Variants in CARD14 observed in about 807,000 individuals in gnomAD.
CARD14 encodes caspase recruitment domain-containing protein 14.
CARD14 carries 107 observed loss-of-function variants against 111.5 expected under a neutral mutation model. That is an observed-to-expected ratio of 0.96 (90% confidence interval 0.82 to 1.13). The LOEUF (loss-of-function observed/expected upper bound fraction) is 1.13. Among genes scored for constraint, CARD14 ranks in the 50% most tolerant of loss-of-function variants. The pLI, the probability that CARD14 is intolerant of heterozygous loss-of-function variation, is 0.00. For missense variants in CARD14, 1,322 were observed against 1,362.3 expected, an observed-to-expected ratio of 0.97 and a Z score of 0.47; for synonymous variants, 617 against 579.6, an observed-to-expected ratio of 1.06 and a Z score of -0.93.
intron 2 of CARD14, among the ~76,000 whole-genome samples, chr17:80,175,812 A>T (rs142269431): frequency 0.022 from 3,348 of 151,740 alleles, 60 homozygotes; most frequent in Non-Finnish European, 0.034. Context: ...CGCACTGTGG[A>T]CCCCCAGCCC....
At chr17:80,206,392 T>C (rs1455681337) in intron 22 of CARD14, among the ~76,000 whole-genome samples, 2 of 152,236 alleles carry the variant, frequency 1.3e-5, no homozygotes, top group African/African-American at 2.4e-5. Context: ...GGCGGGAAGA[T>C]TGCTTGAGCC....
rs190732227 is a variant in CARD14 at position 80,205,446 on chromosome 17, C to G, written c.2570-85C>G. 6.5e-3 allele frequency: 9,939 copies of G among 1,522,690 alleles called. 49 individuals are homozygous for G. Among genetic ancestry groups the G allele is most frequent in the Middle Eastern group, 7.7e-3 (45 of 5,824 alleles). The allele number at this position is 1,522,690 out of a possible 1,614,324, so 94.3% of individuals were successfully genotyped here. A position where few individuals can be genotyped will look rare whatever the true frequency, so the allele number is the denominator to read the frequency against. ...AGCTTCTCCCAGTGCTGGCAGGGTT[C>G]ACGGGGACAGGGGTGTTTACCATGG... is the stretch of plus-strand genomic sequence containing the variant. On this transcript the variant is annotated intron_variant, in intron 21 of 23. Coordinates refer to ENST00000648509, the MANE Select transcript of CARD14 (RefSeq NM_001366385.1).
chr17:80,192,424 C>A, intron 11 of CARD14, 79 bp from the exon 12 acceptor site: 1 of 1,054,604 alleles, frequency 9.5e-7, no homozygotes, highest in Non-Finnish European at 1.5e-6. Context: ...ATGGGTGGTG[C>A]TGACCTGGTA....
At chr17:80,202,445 G>T in intron 18 of CARD14, 25 bp downstream of exon 18, 1 of 1,603,928 alleles carries the variant, frequency 6.2e-7, no homozygotes, top group South Asian at 1.1e-5. Flanking sequence ...CGAGCTCGGT[G>T]CGTCCCCAGA....
At chr17:80,202,639 G>A in intron 18 of CARD14, 20 of 1,396,822 alleles carry the variant, frequency 1.4e-5, no homozygotes, top group Non-Finnish European at 1.8e-5. Context: ...GAACATTCTA[G>A]ATCTGGGTTT....
chr17:80,205,469 T>C (rs1452730125), intron 21 of CARD14, 62 bp from the exon 22 acceptor site: 15 of 1,554,148 alleles, frequency 9.7e-6, no homozygotes, highest in South Asian at 5.9e-5. Context: ...GTGTTTACCA[T>C]GGGACTCCCC....
chr17:80,173,640 C>T (rs1447189414), intron 2 of CARD14, among the ~76,000 whole-genome samples: 1 of 151,658 alleles, frequency 6.6e-6, no homozygotes, highest in Non-Finnish European at 1.5e-5. Flanking sequence ...GCACTGTCAC[C>T]CTGGCTGGAG....
At chr17:80,190,924 CG>C in intron 10 of CARD14, 25 bp downstream of exon 10, 3 of 1,608,176 alleles carry the variant, frequency 1.9e-6, no homozygotes, top group Non-Finnish European at 2.5e-6. Flanking sequence ...GGGCCCACCC[CG>C]CCACCCCATG....
intron 22 of CARD14, 37 bp downstream of exon 22, chr17:80,205,689 TG>T: frequency 6.6e-7 from 1 of 1,512,622 alleles, no homozygotes; most frequent in Non-Finnish European, 8.9e-7. Context: ...GGAGCTGTCC[TG>T]GGAAGGGTTT....
chr17:80,176,105 C>CTT (rs71365590), intron 2 of CARD14, among the ~76,000 whole-genome samples: 5 of 135,640 alleles, frequency 3.7e-5, no homozygotes, highest in Non-Finnish European at 6.4e-5. Flanking sequence ...AAGCCTGGAT[C>CTT]TTTTTTTTTT....
At position 80,182,412 on chromosome 17, in the gene CARD14, C is replaced by T. The variant is rs758626818; in HGVS notation, c.212-241C>T. ...GAGCACTGGGGTTGCAGTAGTTGCT[C>T]GATACATGCCAGCTTTGCCCTTCTC... On this transcript the variant is annotated intron_variant, in intron 5 of 23. Coordinates refer to ENST00000648509, the MANE Select transcript of CARD14 (RefSeq NM_001366385.1). This position sits in a 1 kb window ranked among gnomAD's most constrained non-coding sequence, Gnocchi z 4.7. Among the ~76,000 whole-genome samples the T allele has an allele frequency of 5.3e-5, 8 of 152,324 alleles. No homozygotes were observed. Among genetic ancestry groups the T allele is most frequent in the Admixed American group, 2.6e-4 (4 of 15,300 alleles).
rs140033054 is a variant in CARD14 at position 80,187,159 on chromosome 17, G to A, written c.676-1218G>A. Among the ~76,000 whole-genome samples, 320 of 152,276 alleles carry A rather than the reference G, an allele frequency of 2.1e-3. 1 individual carries two copies. Among genetic ancestry groups the A allele is most frequent in the African/African-American group, 7.5e-3 (310 of 41,546 alleles). On this transcript the variant is annotated intron_variant, in intron 7 of 23. Transcript: ENST00000648509. Reference sequence around the variant, plus strand: ...CGTACGTGTGTGCTCCTTCCCCAGGGGGAACGCTGCTCCCAGCGTCACCAG... The same window carrying A: ...CGTACGTGTGTGCTCCTTCCCCAGGAGGAACGCTGCTCCCAGCGTCACCAG...
rs181610887 is a variant in CARD14 at position 80,198,941 on chromosome 17, C to T, written c.1851+350C>T. ...TTTTAACCACTGGGGCATTTCTTTT[C>T]TTTCTTTTTTTTTGTTTGTTGTTTT... On this transcript the variant is annotated intron_variant, in intron 16 of 23. Transcript: ENST00000648509. This position sits in a 1 kb window ranked among gnomAD's most constrained non-coding sequence, Gnocchi z 7.5. 8.7e-7 allele frequency: 1 copy of T among 1,150,624 alleles called. No homozygotes were observed. Among genetic ancestry groups the T allele is most frequent in the African/African-American group, 1.6e-5 (1 of 61,802 alleles). 71.3% of individuals were successfully genotyped at this position (1,150,624 alleles called of 1,614,324 possible).
intron 7 of CARD14, among the ~76,000 whole-genome samples, chr17:80,187,278 G>A (rs1031877496): frequency 6.6e-6 from 1 of 152,176 alleles, no homozygotes. Flanking sequence ...CCGCTAAGAC[G>A]GGTGCCGGAC....
At position 80,188,400 on chromosome 17, in the gene CARD14, G is replaced by A. The variant is rs557035385; in HGVS notation, c.699G>A (p.Leu233=). The change falls in exon 8 of 24, where the codon CTG becomes CTA. Residue 233 remains leucine (L), a synonymous_variant. Transcript: ENST00000648509. This position sits in a 1 kb window ranked among gnomAD's most constrained non-coding sequence, Gnocchi z 4.5. ...QEELYLLKQE[L]QRANMVSSCE... ...AGCTGTATCTACTGAAGCAGGAGCT[G>A]CAGCGAGCCAACATGGTTTCCTCCT... is the stretch of plus-strand genomic sequence containing the variant. 1.9e-6 allele frequency: 3 copies of A among 1,610,528 alleles called. No homozygotes were observed. Among genetic ancestry groups the A allele is most frequent in the South Asian group, 2.2e-5 (2 of 90,318 alleles).
At chr17:80,174,274 G>A (rs552606486) in intron 2 of CARD14, among the ~76,000 whole-genome samples, 5 of 152,194 alleles carry the variant, frequency 3.3e-5, no homozygotes, top group South Asian at 2.1e-4. Context: ...GTGCAGTGGC[G>A]TAATCTCAGC....
In CARD14 at chr17:80,202,343, C is replaced by T; in HGVS notation, c.2142C>T (p.Gly714=). The T allele has an allele frequency of 3.7e-6, 6 of 1,613,556 alleles. No individual in the cohort carries two copies. Among genetic ancestry groups the T allele is most frequent in the Non-Finnish European group, 5.1e-6 (6 of 1,180,024 alleles). ...CCGACACCATGTTCCAGGGCTGCGGCTGCTGGCATGCCCACCGCGTGAACT... is the reference window on the plus strand; with the variant it reads ...CCGACACCATGTTCCAGGGCTGCGGTTGCTGGCATGCCCACCGCGTGAACT... ...HVTDTMFQGC[G]CWHAHRVNSY... The change falls in exon 18 of 24, where the codon GGC becomes GGT. Residue 714 remains glycine, a synonymous_variant. Transcript: ENST00000648509.
intron 1 of CARD14, among the ~76,000 whole-genome samples, chr17:80,172,453 C>T (rs1447988910): frequency 1.3e-5 from 2 of 152,210 alleles, no homozygotes; most frequent in East Asian, 1.9e-4. Flanking sequence ...GACTTCCTCC[C>T]GCTTTCCTTC....
At position 80,188,554 on chromosome 17, in the gene CARD14, G is replaced by T; in HGVS notation, c.843+10G>T. 1 of 1,489,502 alleles carries T rather than the reference G, an allele frequency of 6.7e-7. No individual in the cohort carries two copies. Among genetic ancestry groups the T allele is most frequent in the Non-Finnish European group, 8.9e-7 (1 of 1,118,136 alleles). The allele number at this position is 1,489,502 out of a possible 1,614,324, so 92.3% of individuals were successfully genotyped here. A position where few individuals can be genotyped will look rare whatever the true frequency, so the allele number is the denominator to read the frequency against. ...GCTGACTTTCAGCCTGGTAGGTTCC[G>T]GTCCCCGCAGCAGAGAGCGGCCTCC... On this transcript the variant is annotated intron_variant, in intron 8 of 23. Coordinates refer to ENST00000648509, the MANE Select transcript of CARD14 (RefSeq NM_001366385.1). This position sits in a 1 kb window ranked among gnomAD's most constrained non-coding sequence, Gnocchi z 4.5.
Sources: allele counts gnomAD v4.1 joint callset (sites outside exome capture counted in the v4.1 genomes callset), GRCh38; gene constraint gnomAD v4.1.1; non-coding constraint Gnocchi (gnomAD v3.1); transcripts MANE v1.5; gene names NCBI Gene and HGNC (gene_info 2026-07-23, HGNC 2026-07-21).